Variants in SDK1 observed in about 807,000 individuals in gnomAD.
SDK1 encodes sidekick cell adhesion molecule 1.
In SDK1, 157 loss-of-function variants were observed where a neutral mutation model predicts 245.5. The observed-to-expected ratio is 0.64, with a 90% CI of 0.56 to 0.73. SDK1 has a LOEUF of 0.73. Ranked by LOEUF, SDK1 falls within the 30% of genes least tolerant of loss-of-function variation. SDK1 has a pLI of 0.00. For synonymous variants in SDK1, 1,647 were observed against 1,278.5 expected (o/e 1.29, Z -6.15); for missense variants, 3,583 against 3,002.3 (o/e 1.19, Z -4.52).
At chr7:4,000,045 GA>G (rs1228255788) in intron 14 of SDK1, among the ~76,000 whole-genome samples, 1 of 152,198 alleles carries the variant, frequency 6.6e-6, no homozygotes, top group East Asian at 1.9e-4. Flanking sequence ...GTGAGGCTCA[GA>G]GAGTGAAGGA....
chr7:3,528,339 G>T (rs1461317439), intron 1 of SDK1, among the ~76,000 whole-genome samples: 1 of 148,144 alleles, frequency 6.8e-6, no homozygotes, highest in East Asian at 2.1e-4. Context: ...CGTCAGCTGG[G>T]GGTTGAGTGG....
chr7:3,448,934 G>C (rs1780428816), intron 1 of SDK1, among the ~76,000 whole-genome samples: 1 of 152,108 alleles, frequency 6.6e-6, no homozygotes, highest in Admixed American at 6.6e-5. Context: ...GATTATTCCT[G>C]CGAACAAATT....
At chr7:3,332,750 G>T (rs1258348555) in intron 1 of SDK1, among the ~76,000 whole-genome samples, 1 of 152,172 alleles carries the variant, frequency 6.6e-6, no homozygotes, top group African/African-American at 2.4e-5. Context: ...AGCCAGTAAG[G>T]TGCTTCTAGT....
intron 43 of SDK1, among the ~76,000 whole-genome samples, chr7:4,244,241 AG>A (rs1473789246): frequency 6.6e-6 from 1 of 152,154 alleles, no homozygotes; most frequent in Non-Finnish European, 1.5e-5. Flanking sequence ...AGGGATGAGA[AG>A]ACACTTCCTC....
At chr7:3,434,434 T>G (rs1391247535) in intron 1 of SDK1, among the ~76,000 whole-genome samples, 2 of 152,222 alleles carry the variant, frequency 1.3e-5, no homozygotes, top group Non-Finnish European at 2.9e-5. Flanking sequence ...TGAGGAAGTT[T>G]GCGTAGCTCG....
At chr7:4,030,563 T>A (rs1787728119) in intron 17 of SDK1, among the ~76,000 whole-genome samples, 1 of 152,220 alleles carries the variant, frequency 6.6e-6, no homozygotes, top group African/African-American at 2.4e-5. Flanking sequence ...CACCTTCTCC[T>A]CCAGTCTGCA....
intron 28 of SDK1, among the ~76,000 whole-genome samples, chr7:4,136,111 C>T (rs1779071436): frequency 6.6e-6 from 1 of 152,146 alleles, no homozygotes; most frequent in African/African-American, 2.4e-5. Flanking sequence ...TACTTTGAGC[C>T]CTCCAACCGT....
rs530252260 is a variant in SDK1, at chr7:3,446,997, A to T, written c.298+145113A>T. Among the ~76,000 whole-genome samples the T allele has an allele frequency of 2.6e-5, 4 of 152,312 alleles. No individual in the cohort carries two copies. The South Asian group carries it at 8.3e-4, about 32-fold the overall frequency. ...TCTGGAGATACGATGAAGCAATCTG[A>T]GTGAATCATGATGTGCAGTGGGCTT... On this transcript the variant is annotated intron_variant, in intron 1 of 44. Coordinates refer to ENST00000404826, the MANE Select transcript of SDK1 (RefSeq NM_152744.4).
chr7:3,585,466 T>A (rs1055211831), intron 1 of SDK1, among the ~76,000 whole-genome samples: 1 of 152,054 alleles, frequency 6.6e-6, no homozygotes, highest in Non-Finnish European at 1.5e-5. Context: ...ATGACAACAT[T>A]AAGCATGGAA....
At chr7:4,044,747 C>T (rs1412175869) in intron 17 of SDK1, among the ~76,000 whole-genome samples, 1 of 152,140 alleles carries the variant, frequency 6.6e-6, no homozygotes, top group African/African-American at 2.4e-5. Flanking sequence ...GCCCTGCCTG[C>T]AGCATGTTTG....
chr7:4,262,796 C>T (rs1390347913), intron 44 of SDK1, among the ~76,000 whole-genome samples: 1 of 81,720 alleles, frequency 1.2e-5, no homozygotes, highest in Non-Finnish European at 2.5e-5. Context: ...TCCTCCCCTC[C>T]CTTCTACCTC....
At chr7:3,826,027 A>T (rs369276661) in intron 5 of SDK1, among the ~76,000 whole-genome samples, 1 of 152,220 alleles carries the variant, frequency 6.6e-6, no homozygotes, top group African/African-American at 2.4e-5. Flanking sequence ...TAGGAAGTCT[A>T]TTTTATAGTC....
intron 5 of SDK1, among the ~76,000 whole-genome samples, chr7:3,930,196 G>T (rs943353356): frequency 2.6e-5 from 4 of 152,162 alleles, no homozygotes; most frequent in African/African-American, 9.7e-5. Context: ...CCTAGGAGAG[G>T]TCTGTGGTGC....
chr7:3,356,945 C>A (rs1339289141), intron 1 of SDK1, among the ~76,000 whole-genome samples: 1 of 134,232 alleles, frequency 7.4e-6, no homozygotes. Context: ...ATCCCAGCTA[C>A]TCAGGAGGCT....
intron 10 of SDK1, 82 bp from the exon 11 acceptor site, chr7:3,969,175 C>T: frequency 1.6e-6 from 2 of 1,283,244 alleles, no homozygotes; most frequent in Non-Finnish European, 2.1e-6. Flanking sequence ...AACCATATTA[C>T]TTGCTTATGG....
intron 34 of SDK1, 61 bp downstream of exon 34, chr7:4,175,895 G>A: frequency 2.7e-6 from 4 of 1,487,846 alleles, no homozygotes; most frequent in South Asian, 1.1e-5. Context: ...CCCAGAGCCA[G>A]CTGGTCTCTC....
chr7:4,106,463 C>CT (rs1384471464), intron 22 of SDK1, among the ~76,000 whole-genome samples: 20 of 152,104 alleles, frequency 1.3e-4, no homozygotes, highest in South Asian at 2.1e-4. Flanking sequence ...ACCACCACGC[C>CT]TTTTTTGTAT....
At chr7:3,701,187 A>G (rs978939553) in intron 4 of SDK1, among the ~76,000 whole-genome samples, 2 of 152,216 alleles carry the variant, frequency 1.3e-5, no homozygotes, top group African/African-American at 4.8e-5. Context: ...AGAATACAAT[A>G]CTGTTTAAAA....
At chr7:3,582,627 C>T (rs1379422276) in intron 1 of SDK1, among the ~76,000 whole-genome samples, 1 of 143,034 alleles carries the variant, frequency 7.0e-6, no homozygotes, top group East Asian at 2.1e-4. Context: ...AATGAACCCT[C>T]GTGACATGAG....
Sources: allele counts gnomAD v4.1 joint callset (sites outside exome capture counted in the v4.1 genomes callset), GRCh38; gene constraint gnomAD v4.1.1; transcripts MANE v1.5; gene names NCBI Gene and HGNC (gene_info 2026-07-23, HGNC 2026-07-21).